The following RORA variants were observed in gnomAD, a reference collection of about 807,000 sequenced individuals.
RORA encodes RAR related orphan receptor A.
A neutral mutation model predicts 69.5 loss-of-function variants in RORA; 7 were observed. The ratio of observed to expected loss-of-function variants is 0.10; its 90% CI spans 0.06 to 0.19. The LOEUF is 0.19. RORA is among the 10% of genes least tolerant of loss of function. RORA has a pLI of 1.00. For missense variants in RORA, 457 were observed against 663.0 expected (o/e 0.69, Z 3.41); for synonymous variants, 261 against 240.8 (o/e 1.08, Z -0.78).
rs534401787 is a variant in RORA, at chr15:60,632,539, T to C, written c.196+46118A>G. On this transcript the variant is annotated intron_variant, in intron 2 of 10. Coordinates refer to ENST00000335670, the MANE Select transcript of RORA (RefSeq NM_134261.3). Reference sequence around the variant, plus strand: ...TTTTTTAGTATATTCCAAATAATGATAGGGCATACTTTTATTCATTGTTCA... The same window carrying C: ...TTTTTTAGTATATTCCAAATAATGACAGGGCATACTTTTATTCATTGTTCA... Among the ~76,000 whole-genome samples, 18 of 152,332 alleles carry C rather than the reference T, an allele frequency of 1.2e-4. No homozygotes were observed. In the South Asian group the frequency reaches 1.5e-3, roughly 12 times the overall value.
chr15:61,178,108 G>C (rs1305281931), intron 1 of RORA, among the ~76,000 whole-genome samples: 2 of 152,162 alleles, frequency 1.3e-5, no homozygotes, highest in East Asian at 1.9e-4. Context: ...TGTTACACTG[G>C]AAAGTGTGTT....
At chr15:60,760,028 T>C (rs1350810370) in intron 1 of RORA, among the ~76,000 whole-genome samples, 1 of 152,232 alleles carries the variant, frequency 6.6e-6, no homozygotes, top group African/African-American at 2.4e-5. Context: ...GTGGGCTTTT[T>C]TTAATAGTTT....
chr15:61,012,696 C>G (rs1243249318), intron 1 of RORA, among the ~76,000 whole-genome samples: 1 of 152,022 alleles, frequency 6.6e-6, no homozygotes, highest in African/African-American at 2.4e-5. Context: ...GTCACCGAGG[C>G]TAGAGTACAG....
At chr15:61,058,662 C>T (rs963764865) in intron 1 of RORA, among the ~76,000 whole-genome samples, 2 of 152,140 alleles carry the variant, frequency 1.3e-5, no homozygotes, top group Non-Finnish European at 2.9e-5. Flanking sequence ...AGAATGATGC[C>T]AGTGTTCACA....
At chr15:60,755,896 C>T (rs2071795559) in intron 1 of RORA, among the ~76,000 whole-genome samples, 1 of 152,188 alleles carries the variant, frequency 6.6e-6, no homozygotes, top group South Asian at 2.1e-4. Flanking sequence ...TTCGGCTTAA[C>T]CTGCATTCAT....
chr15:60,591,995 G>A (rs1044092004), intron 2 of RORA, among the ~76,000 whole-genome samples: 1 of 151,942 alleles, frequency 6.6e-6, no homozygotes, highest in African/African-American at 2.4e-5. Flanking sequence ...CCGGGTGCGG[G>A]CCCTGGGGAC....
chr15:61,023,004 G>A (rs1012891231), intron 1 of RORA, among the ~76,000 whole-genome samples: 12 of 151,928 alleles, frequency 7.9e-5, no homozygotes, highest in African/African-American at 2.2e-4. Flanking sequence ...GGCCAACAAG[G>A]TGAAACCCCG....
intron 1 of RORA, among the ~76,000 whole-genome samples, chr15:60,809,441 T>A (rs994278859): frequency 6.6e-6 from 1 of 152,246 alleles, no homozygotes; most frequent in Non-Finnish European, 1.5e-5. Context: ...CCTGCCCATA[T>A]TTCTTATCGC....
chr15:60,758,775 A>G (rs1291346559), intron 1 of RORA, among the ~76,000 whole-genome samples: 1 of 152,186 alleles, frequency 6.6e-6, no homozygotes, highest in Admixed American at 6.5e-5. Context: ...TCCTCAAATT[A>G]TCTCCTGAAG....
intron 2 of RORA, among the ~76,000 whole-genome samples, chr15:60,611,321 T>G (rs2069080210): frequency 6.6e-6 from 1 of 151,922 alleles, no homozygotes; most frequent in Non-Finnish European, 1.5e-5. Context: ...GGTTGTTCAT[T>G]TCATATCCTA....
intron 2 of RORA, among the ~76,000 whole-genome samples, chr15:60,593,920 T>C (rs1255227819): frequency 1.3e-5 from 2 of 152,176 alleles, no homozygotes; most frequent in African/African-American, 2.4e-5. Context: ...AAACAAGGAT[T>C]CATACACTCC....
intron 1 of RORA, among the ~76,000 whole-genome samples, chr15:61,149,286 C>T (rs938569056): frequency 2.4e-4 from 36 of 152,128 alleles, no homozygotes; most frequent in African/African-American, 8.2e-4. Context: ...CTTTCCATGT[C>T]TCTGTGCCTA....
intron 1 of RORA, among the ~76,000 whole-genome samples, chr15:60,833,811 T>C (rs1331250794): frequency 6.6e-6 from 1 of 152,228 alleles, no homozygotes; most frequent in Non-Finnish European, 1.5e-5. Context: ...GCTTAGGAGT[T>C]AGAAGATCTG....
chr15:61,162,532 G>A (rs2079504388), intron 1 of RORA, among the ~76,000 whole-genome samples: 1 of 152,142 alleles, frequency 6.6e-6, no homozygotes, highest in Non-Finnish European at 1.5e-5. Flanking sequence ...AGTAACATAA[G>A]GGGGAAAGGT....
chr15:60,836,582 G>A (rs8023252), intron 1 of RORA, among the ~76,000 whole-genome samples: 3 of 151,862 alleles, frequency 2.0e-5, no homozygotes, highest in African/African-American at 4.8e-5. Context: ...CTCCCTCTCC[G>A]ATGGCTCCCT....
rs137967912 is a variant in RORA at position 60,834,616 on chromosome 15, T to C, written c.167-155930A>G. Among the ~76,000 whole-genome samples the C allele has an allele frequency of 4.9e-4, 75 of 152,290 alleles. No individual in the cohort carries two copies. The East Asian group carries it at 8.9e-3, about 18-fold the overall frequency. ...AATGTGAGAAATTCAGTGAGGCCAC[T>C]TAAGCAAACACCAACTGAAGGATAA... On this transcript the variant is annotated intron_variant, in intron 1 of 10. Transcript: ENST00000335670.
intron 6 of RORA, among the ~76,000 whole-genome samples, chr15:60,504,844 C>T (rs1006142943): frequency 2.0e-5 from 3 of 152,092 alleles, no homozygotes; most frequent in Admixed American, 1.3e-4. Context: ...TCAGACTGTT[C>T]CCACCGATAT....
chr15:60,764,059 C>A (rs1394635617), intron 1 of RORA: 1 of 152,046 alleles, frequency 6.6e-6, no homozygotes, highest in African/African-American at 2.4e-5. Flanking sequence ...TAAAAGAACC[C>A]GTTTTGTTTT....
rs1293452198 is a variant in RORA, at chr15:61,099,868, G to C, written c.166+129185C>G. Among the ~76,000 whole-genome samples the C allele has an allele frequency of 2.0e-5, 3 of 152,290 alleles. No homozygotes were observed. In the East Asian group the frequency reaches 5.8e-4, roughly 29 times the overall value. On this transcript the variant is annotated intron_variant, in intron 1 of 10. Transcript: ENST00000335670. ...CTTAGGTGAATGAAATTCGTTTGTA[G>C]GACACTCCTGGAGTAACTATCTAAA...
Sources: allele counts gnomAD v4.1 joint callset (sites outside exome capture counted in the v4.1 genomes callset), GRCh38; gene constraint gnomAD v4.1.1; transcripts MANE v1.5; gene names NCBI Gene and HGNC (gene_info 2026-07-23, HGNC 2026-07-21).